The following RAPGEF4 variants were observed in gnomAD, a reference collection of about 807,000 sequenced individuals.
RAPGEF4 encodes the protein Rap guanine nucleotide exchange factor 4.
In RAPGEF4, 66 loss-of-function variants were observed where a neutral mutation model predicts 147.9. The observed-to-expected ratio is 0.45, with a 90% CI of 0.37 to 0.55. RAPGEF4 has a LOEUF of 0.55. RAPGEF4 is among the 20% of genes least tolerant of loss of function. The probability of loss-of-function intolerance (pLI) is 0.00; values close to 1 mark genes in which losing one functional copy is unlikely to be tolerated. For synonymous variants in RAPGEF4, 419 were observed against 442.7 expected (o/e 0.95, Z 0.67); for missense variants, 1,071 against 1,257.3 (o/e 0.85, Z 2.24).
chr2:173,026,337 T>G (rs1317788119), intron 23 of RAPGEF4, among the ~76,000 whole-genome samples: 1 of 152,136 alleles, frequency 6.6e-6, no homozygotes, highest in African/African-American at 2.4e-5. Context: ...GAATCTTATT[T>G]GCCGCGGTTC....
At chr2:172,907,449 G>C (rs1699737774) in intron 4 of RAPGEF4, among the ~76,000 whole-genome samples, 1 of 152,136 alleles carries the variant, frequency 6.6e-6, no homozygotes, top group Non-Finnish European at 1.5e-5. Context: ...ACAGCTCAGA[G>C]GGCAGAAAGG....
intron 16 of RAPGEF4, among the ~76,000 whole-genome samples, chr2:172,999,035 A>G (rs1297770136): frequency 6.6e-6 from 1 of 152,094 alleles, no homozygotes; most frequent in Non-Finnish European, 1.5e-5. Context: ...TTTTTTAATT[A>G]CTGTTCCTTG....
chr2:172,773,210 T>G (rs1386837055), intron 1 of RAPGEF4, among the ~76,000 whole-genome samples: 2 of 152,204 alleles, frequency 1.3e-5, no homozygotes, highest in Non-Finnish European at 2.9e-5. Context: ...AAGGAGTTAG[T>G]GTTGTAAACA....
rs375604661 is a variant in RAPGEF4 at position 173,018,720 on chromosome 2, G to A, written c.2073G>A (p.Ser691=). 39 of 1,613,948 alleles carry A rather than the reference G, an allele frequency of 2.4e-5. No individual in the cohort carries two copies. The highest frequency in any genetic ancestry group is 1.2e-4 in the African/African-American group (9 of 74,886). ...YTTIRVPVAT[S]VKEVISAVAD... is the part of the protein sequence containing the mutation. ...CCATTCGGGTGCCAGTGGCCACTTC[G>A]GTGAAGGAAGTCATCAGTGCAGTTG... is the stretch of plus-strand genomic sequence containing the variant. Residue 691 remains serine (S), a synonymous_variant, in exon 22 of 31, where the codon TCG becomes TCA. Transcript: ENST00000397081.
chr2:172,972,075 G>A (rs971690586), intron 10 of RAPGEF4, among the ~76,000 whole-genome samples: 1 of 125,336 alleles, frequency 8.0e-6, no homozygotes, highest in Admixed American at 9.8e-5. Context: ...TGACATAAAG[G>A]CAAAATACTG....
chr2:172,865,617 C>T (rs1308167586), intron 4 of RAPGEF4, among the ~76,000 whole-genome samples: 1 of 152,112 alleles, frequency 6.6e-6, no homozygotes, highest in Non-Finnish European at 1.5e-5. Flanking sequence ...TCTGTTTCTT[C>T]ACCAGCTGCC....
chr2:172,752,255 C>T (rs969284870), intron 1 of RAPGEF4, among the ~76,000 whole-genome samples: 4 of 152,126 alleles, frequency 2.6e-5, no homozygotes, highest in African/African-American at 4.8e-5. Flanking sequence ...GTGTCTTAGC[C>T]AGGCCTTGAA....
chr2:172,940,769 C>T (rs559367608), intron 6 of RAPGEF4, among the ~76,000 whole-genome samples: 2 of 152,242 alleles, frequency 1.3e-5, no homozygotes, highest in South Asian at 2.1e-4. Flanking sequence ...AGAATAGATT[C>T]CTGGGATTTC....
intron 1 of RAPGEF4, among the ~76,000 whole-genome samples, chr2:172,745,164 A>G (rs907613039): frequency 3.9e-5 from 6 of 152,146 alleles, no homozygotes; most frequent in African/African-American, 1.4e-4. Flanking sequence ...AAATGAACTT[A>G]TATAAGATCA....
chr2:173,037,323 C>T (rs565802102), intron 29 of RAPGEF4, among the ~76,000 whole-genome samples: 22 of 152,218 alleles, frequency 1.4e-4, no homozygotes, highest in African/African-American at 1.9e-4. Context: ...TGGGCTCAAG[C>T]GCTCTTCCTG....
chr2:173,026,970 G>C (rs1696722379), intron 24 of RAPGEF4, 111 bp from the exon 25 acceptor site: 1 of 1,017,342 alleles, frequency 9.8e-7, no homozygotes, highest in Non-Finnish European at 1.4e-6. Flanking sequence ...CTTCAAGTCT[G>C]ATTGACTTCA....
At position 172,931,383 on chromosome 2, in the gene RAPGEF4, G is replaced by A. The variant is rs897886859; in HGVS notation, c.537+9083G>A. Among the ~76,000 whole-genome samples, 3 of 152,288 alleles carry A rather than the reference G, an allele frequency of 2.0e-5. No homozygotes were observed. The East Asian group carries it at 5.8e-4, about 29-fold the overall frequency. On this transcript the variant is annotated intron_variant, in intron 6 of 30. Coordinates refer to ENST00000397081, the MANE Select transcript of RAPGEF4 (RefSeq NM_007023.4). ...GGCAGGCCTGTGGGTTCTGGTGTAA[G>A]TGGAGATTGGGCCTGGAAAGCCTTA...
At chr2:172,776,372 A>T (rs1329740688) in intron 1 of RAPGEF4, among the ~76,000 whole-genome samples, 1 of 152,238 alleles carries the variant, frequency 6.6e-6, no homozygotes, top group Non-Finnish European at 1.5e-5. Flanking sequence ...CTTAATGGAG[A>T]TGATGACAAA....
chr2:172,926,288 A>C (rs1398870594), intron 6 of RAPGEF4, among the ~76,000 whole-genome samples: 2 of 152,196 alleles, frequency 1.3e-5, no homozygotes, highest in Admixed American at 6.5e-5. Context: ...TTGAATGTTG[A>C]ATGCTGAATG....
intron 1 of RAPGEF4, among the ~76,000 whole-genome samples, chr2:172,766,185 AAC>A (rs1281316146): frequency 2.0e-5 from 3 of 152,230 alleles, no homozygotes; most frequent in African/African-American, 4.8e-5. Context: ...GTATTTATCA[AAC>A]AGCTTTATTG....
At chr2:172,917,754 C>G (rs1419531418) in intron 4 of RAPGEF4, 48 bp from the exon 5 acceptor site, 2 of 1,496,270 alleles carry the variant, frequency 1.3e-6, no homozygotes, top group Non-Finnish European at 1.9e-6. Context: ...AATGAATGCT[C>G]AAAGCAAGTA....
intron 14 of RAPGEF4, 123 bp downstream of exon 14, chr2:172,988,962 G>A: frequency 9.1e-7 from 1 of 1,101,506 alleles, no homozygotes; most frequent in Non-Finnish European, 1.3e-6. Context: ...AGGCACAAAG[G>A]GCCTTTGTTA....
chr2:172,913,025 A>G (rs528810672), intron 4 of RAPGEF4, among the ~76,000 whole-genome samples: 2 of 150,476 alleles, frequency 1.3e-5, no homozygotes, highest in Non-Finnish European at 2.9e-5. Context: ...CCTCTCAACT[A>G]TCTGGGATTA....
chr2:173,001,413 TA>T, intron 17 of RAPGEF4, 69 bp downstream of exon 17: 1 of 1,589,724 alleles, frequency 6.3e-7, no homozygotes, highest in Non-Finnish European at 8.6e-7. Context: ...GGGCCATTCT[TA>T]TCTCATCTTC....
Sources: allele counts gnomAD v4.1 joint callset (sites outside exome capture counted in the v4.1 genomes callset), GRCh38; gene constraint gnomAD v4.1.1; transcripts MANE v1.5; gene names NCBI Gene and HGNC (gene_info 2026-07-23, HGNC 2026-07-21).